The following LRP4 variants were observed in gnomAD, a reference collection of about 807,000 sequenced individuals.
LRP4 encodes low-density lipoprotein receptor-related protein 4.
In LRP4, 95 loss-of-function variants were observed where a neutral mutation model predicts 220.3. That is an observed-to-expected ratio of 0.43 (90% CI 0.37 to 0.51). The LOEUF (loss-of-function observed/expected upper bound fraction) is 0.51. Ranked by LOEUF, LRP4 falls within the 20% of genes least tolerant of loss-of-function variation. LRP4 has a pLI of 0.00. For synonymous variants in LRP4, 903 were observed against 954.6 expected (o/e 0.95, Z 1.00); for missense variants, 1,925 against 2,567.0 (o/e 0.75, Z 5.40).
In LRP4 at chr11:46,894,812, C is replaced by A. The variant is rs1172787276; in HGVS notation, c.1317G>T (p.Glu439Asp). 2 of 1,614,038 alleles carry A rather than the reference C, an allele frequency of 1.2e-6. No homozygotes were observed. The highest frequency in any genetic ancestry group is 2.2e-5 in the East Asian group (1 of 44,882). ...DRRSCKALGP[E>D]PVLLFANRID... The stretch of plus-strand genomic sequence containing the variant: ...TGCGATTGGCGAACAGCAGCACAGG[C>A]TCTGGCCCTGGGAAACAGTATAAAC... The change falls in exon 12 of 38, where the codon GAG becomes GAT. Residue 439 changes from glutamate (E) to aspartate (D), a missense_variant. Glu to Asp is a conservative substitution (Grantham distance 45). Transcript: ENST00000378623.
chr11:46,872,293 ATGGACCT>A (rs745993585), intron 30 of LRP4, among the ~76,000 whole-genome samples: 2 of 152,018 alleles, frequency 1.3e-5, no homozygotes. Flanking sequence ...CCCAGTCTAC[ATGGACCT>A]TGCTGAGGTT....
At position 46,877,214 on chromosome 11, in the gene LRP4, C is replaced by G. The variant is rs1941043424; in HGVS notation, c.3262G>C (p.Val1088Leu). ...CCATACAGACCTTCCTGGGGGTCTA[C>G]TCCAATGGCAATGGTGTTCTTCATG... ...ITMKNTIAIG[V>L]DPQEGKVYWS... The change falls in exon 23 of 38, where the codon GTA becomes CTA. Residue 1088 changes from valine (V) to leucine (L), a missense_variant. Around this residue, in one of 3 missense-constraint regions of LRP4, gnomAD observed 1,244 missense variants for 1,624.9 expected, o/e 0.77. Transcript: ENST00000378623. 5 of 1,613,898 alleles carry G rather than the reference C, an allele frequency of 3.1e-6. No individual in the cohort carries two copies. Among genetic ancestry groups the G allele is most frequent in the Middle Eastern group, 1.7e-4 (1 of 6,056 alleles).
intron 16 of LRP4, among the ~76,000 whole-genome samples, chr11:46,888,548 C>CAAAAAAAAAAAAAAAAAAAAAA (rs71042635): frequency 6.4e-5 from 2 of 31,312 alleles, no homozygotes; most frequent in African/African-American, 7.3e-5. Context: ...AAAACTGTCT[C>CAAAAAAAAAAAAAAAAAAAAAA]AAAAAAAAAA....
intron 30 of LRP4, among the ~76,000 whole-genome samples, chr11:46,872,185 G>C (rs540809240): frequency 1.3e-5 from 2 of 152,338 alleles, no homozygotes; most frequent in East Asian, 3.9e-4. Flanking sequence ...AAACCCAGGA[G>C]GCGGAGGTTG....
At chr11:46,881,564 C>T in intron 20 of LRP4, 138 bp downstream of exon 20, 1 of 849,188 alleles carries the variant, frequency 1.2e-6, no homozygotes. Flanking sequence ...ACAGCACATG[C>T]CCCATGCTGG....
chr11:46,894,613 C>G lies in LRP4; in HGVS notation c.1516G>C (p.Val506Leu), dbSNP rs1286064806. ...CCTGGGCTCTCCAGCCCAGTAGACA[C>G]AACCTCCTCCACGTTGCTGCCGTTG... ...NLNGSNVEEV[V>L]STGLESPGGL... The change falls in exon 12 of 38, where the codon GTG becomes CTG. Residue 506 changes from valine (V) to leucine (L), a missense_variant. Physicochemically the swap from Val to Leu is conservative, Grantham distance 32 (BLOSUM62 1). Around this residue, in one of 3 missense-constraint regions of LRP4, gnomAD observed 269 missense variants for 436.7 expected, o/e 0.62. Coordinates refer to ENST00000378623, the MANE Select transcript of LRP4 (RefSeq NM_002334.4). 1 of 1,610,682 alleles carries G rather than the reference C, an allele frequency of 6.2e-7. No individual in the cohort carries two copies. Among genetic ancestry groups the G allele is most frequent in the Non-Finnish European group, 8.5e-7 (1 of 1,178,382 alleles).
At chr11:46,901,437 C>T (rs142396785) in intron 2 of LRP4, among the ~76,000 whole-genome samples, 5 of 152,202 alleles carry the variant, frequency 3.3e-5, no homozygotes, top group African/African-American at 9.7e-5. Flanking sequence ...GATAATTATA[C>T]TCAGTTCATA....
chr11:46,866,037 G>T (rs557114074), intron 34 of LRP4, among the ~76,000 whole-genome samples: 2 of 151,508 alleles, frequency 1.3e-5, no homozygotes, highest in South Asian at 2.1e-4. Flanking sequence ...TTTTTATTTG[G>T]GATCATTATT....
Position 46,889,951 on chromosome 11 carries a change from T to C in LRP4, c.2085A>G (p.Gln695=). 3.7e-6 allele frequency: 6 copies of C among 1,614,092 alleles called. No individual in the cohort carries two copies. The highest frequency in any genetic ancestry group is 4.2e-6 in the Non-Finnish European group (5 of 1,179,996). The change falls in exon 15 of 38, where the codon CAA becomes CAG. Residue 695 remains glutamine, a synonymous_variant. Transcript: ENST00000378623. ...CGGTGGGCAGTTTTTTACCTGCAGG[T>C]TGGCGCTGGGGGTGCAAGGTGTGGA... ...MDIHTLHPQR[Q]PAGKNRCGDN... is the part of the protein sequence containing the mutation.
intron 16 of LRP4, among the ~76,000 whole-genome samples, chr11:46,888,228 A>G (rs1734701884): frequency 7.3e-6 from 1 of 136,622 alleles, no homozygotes; most frequent in Non-Finnish European, 1.5e-5. Context: ...AGGCTGAGGC[A>G]GGAGAAGCAC....
At chr11:46,860,703 C>A (rs888499522) in intron 37 of LRP4, among the ~76,000 whole-genome samples, 1 of 152,204 alleles carries the variant, frequency 6.6e-6, no homozygotes, top group Admixed American at 6.5e-5. Flanking sequence ...TCCCTGCCCT[C>A]TGAGAGTGAC....
chr11:46,877,477 T>C, intron 22 of LRP4, 138 bp from the exon 23 acceptor site: 1 of 961,874 alleles, frequency 1.0e-6, no homozygotes, highest in East Asian at 2.6e-5. Context: ...TAAATTATTA[T>C]TATTTTTTGA....
intron 37 of LRP4, 148 bp from the exon 38 acceptor site, chr11:46,859,463 A>C: frequency 1.4e-6 from 1 of 709,712 alleles, no homozygotes. Flanking sequence ...GATTAAGACA[A>C]GTGTATGAGG....
intron 10 of LRP4, 138 bp downstream of exon 10, chr11:46,895,746 G>A (rs922589804): frequency 5.2e-5 from 64 of 1,234,928 alleles, no homozygotes; most frequent in Non-Finnish European, 7.1e-5. Context: ...TGGGAAGGAT[G>A]ATCCCCACCT....
chr11:46,912,961 C>T (rs1387873015), intron 1 of LRP4, among the ~76,000 whole-genome samples: 12 of 152,140 alleles, frequency 7.9e-5, no homozygotes, highest in Non-Finnish European at 1.6e-4. Flanking sequence ...CTCTGCTTGC[C>T]GCTCTGATCC....
At position 46,910,858 on chromosome 11, in the gene LRP4, T is replaced by C. The variant is rs185299115; in HGVS notation, c.52+7470A>G. Among the ~76,000 whole-genome samples, 147 of 151,922 alleles carry C rather than the reference T, an allele frequency of 9.7e-4. 1 individual carries two copies. The highest frequency in any genetic ancestry group is 3.4e-3 in the Middle Eastern group (1 of 294). ...CCGGCTAATTTTTGTATTTTTAGAG[T>C]AGAGACAGGGTTTCTCCACATTGAC... On this transcript the variant is annotated intron_variant, in intron 1 of 37. Transcript: ENST00000378623.
intron 1 of LRP4, among the ~76,000 whole-genome samples, chr11:46,912,149 T>C (rs1941870841): frequency 6.6e-6 from 1 of 152,206 alleles, no homozygotes; most frequent in African/African-American, 2.4e-5. Flanking sequence ...CCATCGCACC[T>C]GGCCAATGTA....
At chr11:46,882,688 CA>C (rs202106050) in intron 19 of LRP4, among the ~76,000 whole-genome samples, 1 of 150,286 alleles carries the variant, frequency 6.7e-6, no homozygotes, top group Non-Finnish European at 1.5e-5. Context: ...CCCATCTCTA[CA>C]AAAAAAAACT....
At chr11:46,892,015 C>T (rs927635013) in intron 13 of LRP4, among the ~76,000 whole-genome samples, 2 of 152,250 alleles carry the variant, frequency 1.3e-5, no homozygotes, top group South Asian at 4.1e-4. Context: ...CCTGCAACCT[C>T]GACCTCCCAG....
Sources: allele counts gnomAD v4.1 joint callset (sites outside exome capture counted in the v4.1 genomes callset), GRCh38; gene constraint gnomAD v4.1.1; regional missense constraint gnomAD v4.1.1; transcripts MANE v1.5; gene names NCBI Gene and HGNC (gene_info 2026-07-23, HGNC 2026-07-21).